Variants in SMIM19 observed in about 807,000 individuals in gnomAD.
SMIM19 encodes UPF0697 protein C8orf40.
In SMIM19, 6 loss-of-function variants were observed where a neutral mutation model predicts 13.2. That is an observed-to-expected ratio of 0.45 (90% CI 0.25 to 0.90). The LOEUF is 0.90. SMIM19 is among the 40% of genes least tolerant of loss of function. The probability of loss-of-function intolerance (pLI) is 0.19; values close to 1 mark genes in which losing one functional copy is unlikely to be tolerated. For synonymous variants in SMIM19, 46 were observed against 43.1 expected (o/e 1.07, Z -0.27); for missense variants, 138 against 131.0 (o/e 1.05, Z -0.26).
intron 2 of SMIM19, among the ~76,000 whole-genome samples, chr8:42,547,031 G>A (rs1179193939): frequency 6.6e-6 from 1 of 151,560 alleles, no homozygotes; most frequent in African/African-American, 2.4e-5. Context: ...TGTCTACTCT[G>A]GTCTCAAGCA....
At chr8:42,546,961 G>A (rs1361444924) in intron 2 of SMIM19, among the ~76,000 whole-genome samples, 3 of 151,618 alleles carry the variant, frequency 2.0e-5, no homozygotes, top group Non-Finnish European at 2.9e-5. Context: ...GCAAGACTCC[G>A]CCTCAGAAAA....
chr8:42,546,916 G>A (rs1813510590), intron 2 of SMIM19, among the ~76,000 whole-genome samples: 1 of 149,360 alleles, frequency 6.7e-6, no homozygotes, highest in African/African-American at 2.5e-5. Context: ...CAGGGAGTTG[G>A]AGGTTGCAGT....
At position 42,546,451 on chromosome 8, in the gene SMIM19, T is replaced by C. The variant is rs1226713310; in HGVS notation, c.-4-18T>C. The C allele has an allele frequency of 3.2e-6, 5 of 1,585,954 alleles. No homozygotes were observed. Among genetic ancestry groups the C allele is most frequent in the Non-Finnish European group, 4.3e-6 (5 of 1,171,432 alleles). ...ATCATTAATTAAAAGAAACCCTGCT[T>C]TCTTTTCTCTCTTACAGCCCCATGG... is the stretch of plus-strand genomic sequence containing the variant. On this transcript the variant is annotated intron_variant, in intron 1 of 3. Coordinates refer to ENST00000417410, the MANE Select transcript of SMIM19 (RefSeq NM_001135674.2).
chr8:42,548,632 C>T, intron 2 of SMIM19, 24 bp from the exon 3 acceptor site: 1 of 1,612,784 alleles, frequency 6.2e-7, no homozygotes, highest in Non-Finnish European at 8.5e-7. Context: ...ACAAACATCT[C>T]TTCTGCATGG....
rs554666027 is a variant in SMIM19 at position 42,544,860 on chromosome 8, T to C, written c.-4-1609T>C. 9.2e-5 allele frequency among the ~76,000 whole-genome samples: 14 copies of C among 152,222 alleles called. No individual in the cohort carries two copies. In the South Asian group the frequency reaches 2.7e-3, roughly 29 times the overall value. ...AAGAAAGAACTCTGCCCTCAAAACA[T>C]GTATATTAACTAGCTGGCCAAATCT... On this transcript the variant is annotated intron_variant, in intron 1 of 3. Transcript: ENST00000417410.
At chr8:42,551,488 G>A (rs1327231804) in intron 3 of SMIM19, among the ~76,000 whole-genome samples, 1 of 152,046 alleles carries the variant, frequency 6.6e-6, no homozygotes, top group East Asian at 1.9e-4. Flanking sequence ...TTTTCTTCTA[G>A]TTTATATTGA....
rs1263945046 is a variant in SMIM19 at position 42,541,618 on chromosome 8, C to G, written c.-760C>G. 2.0e-5 allele frequency: 3 copies of G among 149,776 alleles called. No homozygotes were observed. Among genetic ancestry groups the G allele is most frequent in the African/African-American group, 7.3e-5 (3 of 41,118 alleles). The allele number at this position is 149,776 out of a possible 1,614,324, so 9.3% of individuals were successfully genotyped here. On this transcript the variant is annotated 5_prime_UTR_variant, in exon 1 of 4. Transcript: ENST00000417410. Reference sequence around the variant, plus strand: ...AGGGCGTCCAGGTCCGCTCGGTAACCGTTTCCCGCGCGCCCGGCCCCGACT... The same window carrying G: ...AGGGCGTCCAGGTCCGCTCGGTAACGGTTTCCCGCGCGCCCGGCCCCGACT...
upstream of SMIM19, chr8:42,541,377 G>A (rs1813135662): frequency 6.8e-6 from 1 of 147,844 alleles, no homozygotes; most frequent in Non-Finnish European, 1.5e-5. Context: ...CGGGCCGGGG[G>A]CTCGCGGGAG....
chr8:42,544,818 A>T (rs977627894), intron 1 of SMIM19, among the ~76,000 whole-genome samples: 9 of 152,220 alleles, frequency 5.9e-5, no homozygotes, highest in African/African-American at 2.2e-4. Context: ...CATTTTTCTC[A>T]TATAGAGGCA....
At chr8:42,552,499 T>C (rs1287800646) in intron 3 of SMIM19, 45 bp from the exon 4 acceptor site, 26 of 1,574,166 alleles carry the variant, frequency 1.7e-5, no homozygotes, top group Non-Finnish European at 1.9e-5. Context: ...GTAATCATTT[T>C]GCAGTTTTAT....
chr8:42,541,358 C>G, upstream of SMIM19: 2 of 147,920 alleles, frequency 1.4e-5, 1 homozygote, highest in East Asian at 4.0e-4. Flanking sequence ...CCCGCGGGAG[C>G]CCGGGAGTCG....
intron 3 of SMIM19, among the ~76,000 whole-genome samples, chr8:42,550,998 G>T (rs1227069699): frequency 6.6e-6 from 1 of 152,138 alleles, no homozygotes; most frequent in Non-Finnish European, 1.5e-5. Context: ...TAAACAAATA[G>T]TATCTCTTTC....
rs1813463854 is a variant in SMIM19 at position 42,545,948 on chromosome 8, G to C, written c.-4-521G>C. ...TATTTTTTATCCCAAGTTTCTTAAAGGGCCAGATTGTAAATATTTTAGGTT... is the reference window on the plus strand; with the variant it reads ...TATTTTTTATCCCAAGTTTCTTAAACGGCCAGATTGTAAATATTTTAGGTT... On this transcript the variant is annotated intron_variant, in intron 1 of 3. Coordinates refer to ENST00000417410, the MANE Select transcript of SMIM19 (RefSeq NM_001135674.2). Among the ~76,000 whole-genome samples, 3 of 152,244 alleles carry C rather than the reference G, an allele frequency of 2.0e-5. No individual in the cohort carries two copies. In the South Asian group the frequency reaches 6.2e-4, roughly 32 times the overall value.
rs1458744631 is a variant in SMIM19, at chr8:42,547,249, A to T, written c.134+643A>T. 2.0e-5 allele frequency among the ~76,000 whole-genome samples: 3 copies of T among 152,160 alleles called. No homozygotes were observed. In the East Asian group the frequency reaches 5.8e-4, roughly 29 times the overall value. On this transcript the variant is annotated intron_variant, in intron 2 of 3. Transcript: ENST00000417410. ...ATGGCGTGAGCCTGTAATCCCAGCT[A>T]CTTGGGAGGCCGAGGCAGGAGAATC...
Position 42,542,371 on chromosome 8 carries a change from C to T in SMIM19, c.-7C>T, listed in dbSNP as rs1371879245. ...TGGATGTTGGGTGAAGGCCTGTGAGCTTGTATGTACCCTTTGGCTTCAGAA... is the reference window on the plus strand; with the variant it reads ...TGGATGTTGGGTGAAGGCCTGTGAGTTTGTATGTACCCTTTGGCTTCAGAA... On this transcript the variant is annotated splice_region_variant and 5_prime_UTR_variant, in exon 1 of 4. Coordinates refer to ENST00000417410, the MANE Select transcript of SMIM19 (RefSeq NM_001135674.2). 12 of 922,202 alleles carry T rather than the reference C, an allele frequency of 1.3e-5. No individual in the cohort carries two copies. The highest frequency in any genetic ancestry group is 1.8e-5 in the African/African-American group (1 of 55,882). 57.1% of individuals were successfully genotyped at this position (922,202 alleles called of 1,614,324 possible).
rs1385641308 is a variant in SMIM19 at position 42,554,617 on chromosome 8, G to A, written c.*2009G>A. The A allele has an allele frequency of 1.3e-5, 2 of 152,120 alleles. No homozygotes were observed. The highest frequency in any genetic ancestry group is 2.9e-5 in the Non-Finnish European group (2 of 68,042). The allele number at this position is 152,120 out of a possible 1,614,324, so 9.4% of individuals were successfully genotyped here. A position where few individuals can be genotyped will look rare whatever the true frequency, so the allele number is the denominator to read the frequency against. On this transcript the variant is annotated 3_prime_UTR_variant, in exon 4 of 4. Transcript: ENST00000417410. ...TGATGGGAATTGCACACACCCCACTGGCAGGAACAACAGCAAGCCGGCTTT... is the reference window on the plus strand; with the variant it reads ...TGATGGGAATTGCACACACCCCACTAGCAGGAACAACAGCAAGCCGGCTTT...
At chr8:42,544,507 A>G (rs1050075228) in intron 1 of SMIM19, among the ~76,000 whole-genome samples, 4 of 147,060 alleles carry the variant, frequency 2.7e-5, no homozygotes, top group African/African-American at 1.0e-4. Context: ...GGAATTGGGT[A>G]TAGTCTAGTG....
rs1438743849 is a variant in SMIM19 at position 42,552,729 on chromosome 8, C to CA, written c.*123dup. 1 of 1,227,828 alleles carries CA rather than the reference C, an allele frequency of 8.1e-7. No individual in the cohort carries two copies. The highest frequency in any genetic ancestry group is 2.4e-5 in the East Asian group (1 of 41,806). The allele number at this position is 1,227,828 out of a possible 1,614,324, so 76.1% of individuals were successfully genotyped here. A position where few individuals can be genotyped will look rare whatever the true frequency, so the allele number is the denominator to read the frequency against. ...AATTATTTTACTTGTAACTTTTCCC[C>CA]AATTGTTCTGTGCATTGTTTTGCCT... On this transcript the variant is annotated 3_prime_UTR_variant, in exon 4 of 4. Coordinates refer to ENST00000417410, the MANE Select transcript of SMIM19 (RefSeq NM_001135674.2).
chr8:42,553,961 G>A lies in SMIM19; in HGVS notation c.*1353G>A, dbSNP rs941730690. 4 of 147,478 alleles carry A rather than the reference G, an allele frequency of 2.7e-5. No homozygotes were observed. Among genetic ancestry groups the A allele is most frequent in the Admixed American group, 6.8e-5 (1 of 14,698 alleles). The allele number at this position is 147,478 out of a possible 1,614,324, so 9.1% of individuals were successfully genotyped here. ...CACACCACTGCATTCCAGCCTAGGCGACAGAGCAAGACTTCGTCTCAGAAA... is the reference window on the plus strand; with the variant it reads ...CACACCACTGCATTCCAGCCTAGGCAACAGAGCAAGACTTCGTCTCAGAAA... On this transcript the variant is annotated 3_prime_UTR_variant, in exon 4 of 4. Transcript: ENST00000417410.
Sources: gnomAD v4.1 joint callset for allele counts (sites outside exome capture counted in the v4.1 genomes callset) on GRCh38, gnomAD v4.1.1 for gene constraint, MANE v1.5 for transcripts, NCBI Gene and HGNC (gene_info 2026-07-23, HGNC 2026-07-21) for gene names.